The following FREM1 variants were observed in gnomAD, a reference collection of about 807,000 sequenced individuals.
The protein encoded by FREM1 is FRAS1 related extracellular matrix 1.
FREM1 carries 220 observed loss-of-function variants against 210.1 expected under a neutral mutation model. The ratio of observed to expected loss-of-function variants is 1.05; its 90% CI spans 0.94 to 1.17. FREM1 has a LOEUF of 1.17. Among genes scored for constraint, FREM1 ranks in the 50% most tolerant of loss-of-function variants. The probability of loss-of-function intolerance (pLI) is 0.00; values close to 1 mark genes in which losing one functional copy is unlikely to be tolerated. For missense variants in FREM1, 3,454 were observed against 2,675.5 expected (o/e 1.29, Z -6.42); for synonymous variants, 1,189 against 980.2 (o/e 1.21, Z -3.98).
chr9:14,830,043 T>G lies in FREM1; in HGVS notation c.1882-5051A>C, dbSNP rs562670968. Among the ~76,000 whole-genome samples the G allele has an allele frequency of 8.5e-5, 13 of 152,170 alleles. No homozygotes were observed. In the South Asian group the frequency reaches 2.7e-3, roughly 32 times the overall value. ...AGAACAGGTACCTGGGGGGTGCATA[T>G]TTACCACAAGTCAGAGAAGAAAGTG... On this transcript the variant is annotated intron_variant, in intron 10 of 36. Coordinates refer to ENST00000380880, the MANE Select transcript of FREM1 (RefSeq NM_001379081.2).
In FREM1 at chr9:14,748,623, T is replaced by C; in HGVS notation, c.5574A>G (p.Ser1858=). The part of the protein sequence containing the change: ...LDSKGGQCHP[S]YSSNQSKHST... ...TGTGCTTGCTTTGGTTGGAGGAATA[T>C]GAAGGATGGCATTGTCCTGGAGGCA... The change falls in exon 31 of 37, where the codon TCA becomes TCG. Residue 1858 remains serine (S), a synonymous_variant. Transcript: ENST00000380880. 6.2e-7 allele frequency: 1 copy of C among 1,613,000 alleles called. No homozygotes were observed. The highest frequency in any genetic ancestry group is 8.5e-7 in the Non-Finnish European group (1 of 1,179,256).
chr9:14,896,603 T>C (rs1837785946), intron 1 of FREM1, among the ~76,000 whole-genome samples: 1 of 149,592 alleles, frequency 6.7e-6, no homozygotes, highest in Non-Finnish European at 1.5e-5. Context: ...AGCATATAAC[T>C]AAGAAATAAC....
At chr9:14,899,766 C>T (rs951653) in intron 1 of FREM1, among the ~76,000 whole-genome samples, 49,407 of 152,084 alleles carry the variant, frequency 0.32, 9,735 homozygotes, top group Middle Eastern at 0.56. Context: ...GGCGCAATAT[C>T]CAGATAGGCT....
chr9:14,776,621 G>C (rs1164031378), intron 24 of FREM1, among the ~76,000 whole-genome samples: 1 of 152,064 alleles, frequency 6.6e-6, no homozygotes, highest in African/African-American at 2.4e-5. Context: ...GTGTGTAATA[G>C]ACTAAAGTTG....
chr9:14,877,347 C>G (rs985164782), intron 1 of FREM1, among the ~76,000 whole-genome samples: 3 of 151,808 alleles, frequency 2.0e-5, no homozygotes, highest in Non-Finnish European at 1.5e-5. Context: ...TCTTCCCTCC[C>G]TCAGTCTTCC....
intron 8 of FREM1, 67 bp from the exon 9 acceptor site, chr9:14,842,727 G>A: frequency 8.7e-7 from 1 of 1,144,488 alleles, no homozygotes; most frequent in South Asian, 1.4e-5. Flanking sequence ...TGTGGGGAAA[G>A]CATCAATACA....
Position 14,770,759 on chromosome 9 carries a change from G to A in FREM1, c.4905C>T (p.Ser1635=), listed in dbSNP as rs376327068. 3 of 1,613,304 alleles carry A rather than the reference G, an allele frequency of 1.9e-6. No individual in the cohort carries two copies. The highest frequency in any genetic ancestry group is 2.5e-6 in the Non-Finnish European group (3 of 1,179,640). ...TTTTCAGGAGCCCCACTTGAGAAGG[G>A]GAATGCAAGAGTGTGATACGAGGAG... The part of the protein sequence containing the change: ...KTAPRITLLH[S]PSQVGLLKNG... The change falls in exon 26 of 37, where the codon TCC becomes TCT. Residue 1635 remains serine (S), a synonymous_variant. Coordinates refer to ENST00000380880, the MANE Select transcript of FREM1 (RefSeq NM_001379081.2).
intron 1 of FREM1, among the ~76,000 whole-genome samples, chr9:14,894,478 T>C (rs1436359753): frequency 6.6e-6 from 1 of 152,210 alleles, no homozygotes; most frequent in Non-Finnish European, 1.5e-5. Context: ...TCTAATAACT[T>C]TGGCAATTGT....
intron 3 of FREM1, among the ~76,000 whole-genome samples, chr9:14,861,332 T>TAC (rs1830509952): frequency 7.9e-6 from 1 of 125,968 alleles, no homozygotes; most frequent in African/African-American, 3.5e-5. Context: ...CATATATACA[T>TAC]ATATACACAT....
intron 1 of FREM1, among the ~76,000 whole-genome samples, chr9:14,889,458 T>C (rs1343015385): frequency 1.3e-5 from 2 of 152,214 alleles, no homozygotes; most frequent in Non-Finnish European, 1.5e-5. Flanking sequence ...AATTCTTTCA[T>C]TTACATAAGA....
chr9:14,861,004 C>T (rs1375669041), intron 3 of FREM1, among the ~76,000 whole-genome samples: 3 of 95,764 alleles, frequency 3.1e-5, no homozygotes, highest in East Asian at 2.6e-4. Context: ...TATATATACA[C>T]ATATATACAT....
At chr9:14,902,159 A>G (rs1838902347) in intron 1 of FREM1, among the ~76,000 whole-genome samples, 1 of 152,078 alleles carries the variant, frequency 6.6e-6, no homozygotes, top group Admixed American at 6.6e-5. Context: ...GTTAATTAAT[A>G]TGGAATTTCA....
chr9:14,898,817 T>C (rs1436042728), intron 1 of FREM1, among the ~76,000 whole-genome samples: 1 of 152,168 alleles, frequency 6.6e-6, no homozygotes, highest in Non-Finnish European at 1.5e-5. Context: ...TAGATAATAA[T>C]AATTGCTCAT....
intron 13 of FREM1, among the ~76,000 whole-genome samples, chr9:14,820,213 A>T (rs1042693739): frequency 1.3e-5 from 2 of 152,226 alleles, no homozygotes; most frequent in Non-Finnish European, 1.5e-5. Context: ...TTTATAAGGG[A>T]CATAAGCATA....
chr9:14,893,621 A>C (rs983575411), intron 1 of FREM1, among the ~76,000 whole-genome samples: 2 of 152,222 alleles, frequency 1.3e-5, no homozygotes, highest in Non-Finnish European at 2.9e-5. Flanking sequence ...TTTGCTAGAA[A>C]AGTAAAAAGT....
chr9:14,778,738 G>A (rs1849129649), intron 24 of FREM1, among the ~76,000 whole-genome samples: 1 of 146,276 alleles, frequency 6.8e-6, no homozygotes, highest in Non-Finnish European at 1.5e-5. Flanking sequence ...GGGAAGGGAA[G>A]GGAAGGGAAG....
At chr9:14,741,673 A>ATGAC (rs1260592017) in intron 35 of FREM1, among the ~76,000 whole-genome samples, 1 of 152,226 alleles carries the variant, frequency 6.6e-6, no homozygotes, top group Non-Finnish European at 1.5e-5. Flanking sequence ...CCCAGTCACT[A>ATGAC]TGACATTTTG....
At chr9:14,875,868 T>C (rs1284748569) in intron 1 of FREM1, among the ~76,000 whole-genome samples, 1 of 152,228 alleles carries the variant, frequency 6.6e-6, no homozygotes, top group Non-Finnish European at 1.5e-5. Context: ...GGATGTCCTT[T>C]CTGTTTGTTA....
chr9:14,785,386 A>G (rs1195169419), intron 23 of FREM1, among the ~76,000 whole-genome samples: 3 of 152,200 alleles, frequency 2.0e-5, no homozygotes, highest in African/African-American at 4.8e-5. Context: ...TTTTTTCTGG[A>G]GAACGTAGGA....
Sources: allele counts gnomAD v4.1 joint callset (sites outside exome capture counted in the v4.1 genomes callset), GRCh38; gene constraint gnomAD v4.1.1; transcripts MANE v1.5; gene names NCBI Gene and HGNC (gene_info 2026-07-23, HGNC 2026-07-21).